FAM107B: variants seen among roughly 807,000 people sequenced by gnomAD.
FAM107B encodes the protein protein FAM107B.
In FAM107B, 21 loss-of-function variants were observed where a neutral mutation model predicts 31.5. That is an observed-to-expected ratio of 0.67 (90% CI 0.47 to 0.96). The LOEUF (loss-of-function observed/expected upper bound fraction) is 0.96, where lower values mean the gene tolerates loss of function less well. Ranked by LOEUF, FAM107B falls within the 40% of genes least tolerant of loss-of-function variation. The pLI is 0.00. For missense variants in FAM107B, 452 were observed against 377.1 expected (o/e 1.20, Z -1.64); for synonymous variants, 157 against 141.5 (o/e 1.11, Z -0.78).
intron 2 of FAM107B, among the ~76,000 whole-genome samples, chr10:14,573,359 G>T (rs7067734): frequency 0.26 from 40,212 of 151,892 alleles, 5,916 homozygotes; most frequent in Middle Eastern, 0.35. Flanking sequence ...TTCCACCATG[G>T]GATGATGCAG....
chr10:14,720,178 A>T (rs1180169819), intron 1 of FAM107B, among the ~76,000 whole-genome samples: 6 of 152,244 alleles, frequency 3.9e-5, no homozygotes, highest in Non-Finnish European at 8.8e-5. Context: ...TCAAGTAGGT[A>T]GGTGATTCCC....
intron 2 of FAM107B, among the ~76,000 whole-genome samples, chr10:14,543,204 A>G (rs1229417388): frequency 2.0e-5 from 3 of 152,222 alleles, no homozygotes; most frequent in African/African-American, 7.2e-5. Context: ...CCAGTGGTAA[A>G]AGGCACAGTT....
rs550612041 is a variant in FAM107B at position 14,660,738 on chromosome 10, T to A, written c.469+6896A>T. ...TTATTCTGAGAGCCATTTGGTGGAA[T>A]AAGAAGAGAGTAAATGAAGCCTCAT... On this transcript the variant is annotated intron_variant, in intron 2 of 4. Coordinates refer to ENST00000181796, the MANE Select transcript of FAM107B (RefSeq NM_031453.4). Among the ~76,000 whole-genome samples the A allele has an allele frequency of 3.9e-5, 6 of 152,330 alleles. No homozygotes were observed. The East Asian group carries it at 1.2e-3, about 29-fold the overall frequency.
chr10:14,642,530 A>G (rs1342211713), intron 2 of FAM107B, among the ~76,000 whole-genome samples: 2 of 152,180 alleles, frequency 1.3e-5, no homozygotes, highest in African/African-American at 2.4e-5. Flanking sequence ...TCATGTCTCT[A>G]TCCCCTTCGG....
intron 2 of FAM107B, among the ~76,000 whole-genome samples, chr10:14,632,768 A>C (rs1853400097): frequency 6.6e-6 from 1 of 152,058 alleles, no homozygotes; most frequent in Non-Finnish European, 1.5e-5. Flanking sequence ...GAGAGACACG[A>C]GATGGCACAA....
In FAM107B at chr10:14,520,012, T is replaced by G. The variant is rs1845482022; in HGVS notation, c.*1178A>C. 6.6e-6 allele frequency: 1 copy of G among 152,638 alleles called. No homozygotes were observed. Among genetic ancestry groups the G allele is most frequent in the Non-Finnish European group, 1.5e-5 (1 of 68,054 alleles). 9.5% of individuals were successfully genotyped at this position (152,638 alleles called of 1,614,324 possible). A position where few individuals can be genotyped will look rare whatever the true frequency, so the allele number is the denominator to read the frequency against. Reference sequence around the variant, plus strand: ...CCCCTCCCTTCCCATCAGCTGTTCCTGAGAGATGCAATATAGTAGTCATCG... The same window carrying G: ...CCCCTCCCTTCCCATCAGCTGTTCCGGAGAGATGCAATATAGTAGTCATCG... On this transcript the variant is annotated 3_prime_UTR_variant, in exon 5 of 5. Coordinates refer to ENST00000181796, the MANE Select transcript of FAM107B (RefSeq NM_031453.4).
rs76035411 is a variant in FAM107B at position 14,765,243 on chromosome 10, G to T, written c.411+9010C>A. Among the ~76,000 whole-genome samples the T allele has an allele frequency of 4.3e-3, 652 of 152,254 alleles. 3 individuals carry two copies. The highest frequency in any genetic ancestry group is 0.014 in the Middle Eastern group (4 of 294). On this transcript the variant is annotated intron_variant, in intron 1 of 4. Coordinates refer to ENST00000181796, the MANE Select transcript of FAM107B (RefSeq NM_031453.4). ...GTTAAATTATTCCCTCATCTTTTAT[G>T]TCTTAGCTTGGAATATAAGTCGATG...
intron 2 of FAM107B, among the ~76,000 whole-genome samples, chr10:14,664,247 C>T (rs142254510): frequency 3.3e-4 from 50 of 152,212 alleles, no homozygotes; most frequent in African/African-American, 1.2e-3. Flanking sequence ...ATCCTGCTTT[C>T]TCTAAAACTT....
intron 3 of FAM107B, among the ~76,000 whole-genome samples, chr10:14,524,763 T>G (rs564065883): frequency 3.8e-4 from 58 of 152,106 alleles, no homozygotes; most frequent in African/African-American, 1.4e-3. Context: ...ATAATTTAAA[T>G]TTCAAACATT....
chr10:14,626,490 G>C (rs995947302), intron 2 of FAM107B, among the ~76,000 whole-genome samples: 4 of 146,538 alleles, frequency 2.7e-5, no homozygotes, highest in Admixed American at 7.2e-5. Flanking sequence ...TGTGGAATTT[G>C]AGGCGGATCT....
intron 1 of FAM107B, among the ~76,000 whole-genome samples, chr10:14,712,509 G>T (rs1301260453): frequency 6.7e-6 from 1 of 148,316 alleles, no homozygotes; most frequent in Non-Finnish European, 1.5e-5. Context: ...CAGGAGAATC[G>T]TTTGAACCCG....
rs554605215 is a variant in FAM107B at position 14,765,775 on chromosome 10, G to A, written c.411+8478C>T. On this transcript the variant is annotated intron_variant, in intron 1 of 4. Transcript: ENST00000181796. ...ACTAATAGGGCATTTGTTTTTGTAGGTAGGCTAAAATTCTCTCATCTTCTG... is the reference window on the plus strand; with the variant it reads ...ACTAATAGGGCATTTGTTTTTGTAGATAGGCTAAAATTCTCTCATCTTCTG... 2.0e-4 allele frequency among the ~76,000 whole-genome samples: 31 copies of A among 152,270 alleles called. No individual in the cohort carries two copies. In the South Asian group the frequency reaches 6.0e-3, roughly 30 times the overall value.
chr10:14,661,034 C>T (rs573747962), intron 2 of FAM107B, among the ~76,000 whole-genome samples: 28 of 152,146 alleles, frequency 1.8e-4, no homozygotes, highest in Non-Finnish European at 3.5e-4. Context: ...GTATGTAGCA[C>T]CTTCCACTTC....
At chr10:14,685,419 C>G (rs950960693) in intron 1 of FAM107B, among the ~76,000 whole-genome samples, 17 of 152,150 alleles carry the variant, frequency 1.1e-4, no homozygotes, top group African/African-American at 3.9e-4. Context: ...TCCAAAAGTG[C>G]TAGGATTATA....
intron 2 of FAM107B, chr10:14,554,161 C>T (rs777209273): frequency 1.7e-5 from 17 of 985,420 alleles, no homozygotes; most frequent in Non-Finnish European, 1.9e-5. Context: ...TAGAAATGGG[C>T]TTTTTCTTTA....
chr10:14,573,780 A>T (rs1851372853), intron 2 of FAM107B, among the ~76,000 whole-genome samples: 2 of 152,114 alleles, frequency 1.3e-5, no homozygotes, highest in Non-Finnish European at 1.5e-5. Context: ...TAAATTACCC[A>T]GTCTGTGGTA....
At chr10:14,613,249 G>T (rs970716824) in intron 2 of FAM107B, among the ~76,000 whole-genome samples, 1 of 152,144 alleles carries the variant, frequency 6.6e-6, no homozygotes. Context: ...TAGGATTACA[G>T]GTGTGAGCCA....
chr10:14,710,431 TACAC>T (rs57418409), intron 1 of FAM107B, among the ~76,000 whole-genome samples: 16,298 of 146,466 alleles, frequency 0.11, 1,021 homozygotes, highest in East Asian at 0.24. Flanking sequence ...TCTCTAAAAA[TACAC>T]ACACACACAC....
At chr10:14,658,569 C>A (rs938889426) in intron 2 of FAM107B, among the ~76,000 whole-genome samples, 1 of 152,200 alleles carries the variant, frequency 6.6e-6, no homozygotes, top group African/African-American at 2.4e-5. Flanking sequence ...ACAACCATTA[C>A]TTTTCAGTTC....
Sources: gnomAD v4.1 joint callset for allele counts (sites outside exome capture counted in the v4.1 genomes callset) on GRCh38, gnomAD v4.1.1 for gene constraint, MANE v1.5 for transcripts, NCBI Gene and HGNC (gene_info 2026-07-23, HGNC 2026-07-21) for gene names.